Variants in IQSEC1 observed in about 807,000 individuals in gnomAD.
IQSEC1 encodes the protein IQ motif and Sec7 domain ArfGEF 1, also known as IQ motif and SEC7 domain-containing protein 1.
A neutral mutation model predicts 91.0 loss-of-function variants in IQSEC1; 31 were observed. The ratio of observed to expected loss-of-function variants is 0.34; its 90% CI spans 0.26 to 0.46. The LOEUF is 0.46. Among genes scored for constraint, IQSEC1 ranks in the 20% least tolerant of loss-of-function variants. The pLI is 1.00. For missense variants in IQSEC1, 1,388 were observed against 1,575.6 expected, an observed-to-expected ratio of 0.88 and a Z score of 2.02; for synonymous variants, 699 against 662.6, an observed-to-expected ratio of 1.05 and a Z score of -0.84.
chr3:13,110,938 A>G (rs1706235040), intron 2 of IQSEC1, among the ~76,000 whole-genome samples: 1 of 152,194 alleles, frequency 6.6e-6, no homozygotes, highest in African/African-American at 2.4e-5. Flanking sequence ...CCTGGGGGGA[A>G]TTACCGCACC....
chr3:13,137,209 A>C (rs1706725781), intron 2 of IQSEC1, among the ~76,000 whole-genome samples: 1 of 152,204 alleles, frequency 6.6e-6, no homozygotes, highest in Non-Finnish European at 1.5e-5. Flanking sequence ...GTCCACTCTT[A>C]GCCAACACAC....
At chr3:13,084,089 TG>T (rs1174267478) in intron 2 of IQSEC1, among the ~76,000 whole-genome samples, 1 of 152,188 alleles carries the variant, frequency 6.6e-6, no homozygotes, top group Non-Finnish European at 1.5e-5. Context: ...GTTCCTCTTC[TG>T]GTGGTTTCTA....
rs533298650 is a variant in IQSEC1 at position 13,272,170 on chromosome 3, C to A, written c.272+10541G>T. 1.6e-4 allele frequency among the ~76,000 whole-genome samples: 25 copies of A among 152,300 alleles called. No homozygotes were observed. In the South Asian group the frequency reaches 3.1e-3, roughly 19 times the overall value. ...TCTGATAGGGATATGCTTGGCTGAT[C>A]CTTGCTCATACCACAACCTTCCCAA... On this transcript the variant is annotated intron_variant, in intron 1 of 15. Transcript: ENST00000648114.
Position 12,994,305 on chromosome 3 carries a change from G to A in IQSEC1, c.24-52440C>T, listed in dbSNP as rs1157926063. ...TGACCTTGGCGGGTGGCCTCGCCGCGCCTGGCCTCAGTTTCCCCCCTCGGA... is the reference window on the plus strand; with the variant it reads ...TGACCTTGGCGGGTGGCCTCGCCGCACCTGGCCTCAGTTTCCCCCCTCGGA... On this transcript the variant is annotated intron_variant, in intron 1 of 13. Transcript: ENST00000613206. This position sits in a 1 kb window ranked among gnomAD's most constrained non-coding sequence, Gnocchi z 4.5. 2.0e-5 allele frequency among the ~76,000 whole-genome samples: 3 copies of A among 151,652 alleles called. No homozygotes were observed. The highest frequency in any genetic ancestry group is 4.4e-5 in the Non-Finnish European group (3 of 67,854).
intron 1 of IQSEC1, chr3:13,022,557 G>C (rs1703449400): frequency 2.7e-6 from 2 of 731,068 alleles, no homozygotes; most frequent in Non-Finnish European, 3.3e-6. Context: ...GCGTCCAGAG[G>C]CTGGCCTGGG....
At position 13,129,329 on chromosome 3, in the gene IQSEC1, T is replaced by G. The variant is rs1221145032; in HGVS notation, c.302+34775A>C. Among the ~76,000 whole-genome samples, 5 of 152,350 alleles carry G rather than the reference T, an allele frequency of 3.3e-5. No homozygotes were observed. In the East Asian group the frequency reaches 9.6e-4, roughly 29 times the overall value. On this transcript the variant is annotated intron_variant, in intron 2 of 15. Transcript: ENST00000648114. ...CCTGCAGAATCTGTAGCAGTGTCAC[T>G]GTTCTCATTCCTGGTATTGGTAATT...
chr3:12,929,429 G>C (rs1440166891), intron 3 of IQSEC1, among the ~76,000 whole-genome samples: 1 of 152,218 alleles, frequency 6.6e-6, no homozygotes, highest in Non-Finnish European at 1.5e-5. Context: ...CCTGGGCAGA[G>C]AGCCAGGAAG....
At position 13,147,637 on chromosome 3, in the gene IQSEC1, G is replaced by A. The variant is rs192028073; in HGVS notation, c.302+16467C>T. Among the ~76,000 whole-genome samples, 6 of 152,208 alleles carry A rather than the reference G, an allele frequency of 3.9e-5. No individual in the cohort carries two copies. In the East Asian group the frequency reaches 7.7e-4, roughly 20 times the overall value. ...GTGCTGCAATAAACATGTATGTGCC[G>A]GTGTCTTATTTTTGAGACAGAGTCT... On this transcript the variant is annotated intron_variant, in intron 2 of 15. Coordinates refer to the IQSEC1 transcript ENST00000648114.
chr3:12,978,918 G>A (rs1701323900), intron 1 of IQSEC1, among the ~76,000 whole-genome samples: 1 of 152,152 alleles, frequency 6.6e-6, no homozygotes, highest in Non-Finnish European at 1.5e-5. Flanking sequence ...CAGGATAAAG[G>A]CATTGCAGGT....
At chr3:12,939,075 A>AC (rs1698504856) in intron 2 of IQSEC1, among the ~76,000 whole-genome samples, 1 of 151,520 alleles carries the variant, frequency 6.6e-6, no homozygotes, top group African/African-American at 2.4e-5. Flanking sequence ...TGTGCTGGGG[A>AC]CCCCCATACC....
rs1243015470 is a variant in IQSEC1, at chr3:13,193,309, G to A, written c.273-29176C>T. 3.3e-5 allele frequency among the ~76,000 whole-genome samples: 5 copies of A among 152,170 alleles called. No individual in the cohort carries two copies. Among genetic ancestry groups the A allele is most frequent in the Non-Finnish European group, 7.4e-5 (5 of 68,024 alleles). The stretch of plus-strand genomic sequence containing the variant: ...ATGACTGCGCTTCTGAGCCATTTCC[G>A]GCCTGTGGCAATGTCTTTTACATTC... On this transcript the variant is annotated intron_variant, in intron 1 of 15. Coordinates refer to the IQSEC1 transcript ENST00000648114. The surrounding 1 kb of genome is among the most constrained non-coding windows in gnomAD (Gnocchi z 4.2).
intron 1 of IQSEC1, among the ~76,000 whole-genome samples, chr3:13,028,937 C>T (rs1410743460): frequency 6.6e-6 from 1 of 152,166 alleles, no homozygotes; most frequent in Non-Finnish European, 1.5e-5. Context: ...GCCAAGGGAT[C>T]CTCACAAGCC....
intron 1 of IQSEC1, among the ~76,000 whole-genome samples, chr3:13,276,080 C>CTTTT (rs796663192): frequency 0.032 from 2,531 of 79,448 alleles, 725 homozygotes; most frequent in East Asian, 0.053. Flanking sequence ...CAAAAGCATT[C>CTTTT]TTTTTTTTTT....
intron 2 of IQSEC1, 86 bp downstream of exon 2, chr3:12,941,485 C>G: frequency 7.5e-7 from 1 of 1,338,554 alleles, no homozygotes; most frequent in Non-Finnish European, 1.0e-6. Flanking sequence ...TGGGAGAGAT[C>G]TGCCACCATG....
intron 1 of IQSEC1, among the ~76,000 whole-genome samples, chr3:13,174,163 A>G (rs975706929): frequency 9.2e-5 from 14 of 152,168 alleles, no homozygotes; most frequent in Non-Finnish European, 2.9e-5. Flanking sequence ...TGGAATCTGA[A>G]TCTTGTGCAC....
chr3:13,112,019 C>T (rs1559257430), intron 2 of IQSEC1, among the ~76,000 whole-genome samples: 1 of 152,194 alleles, frequency 6.6e-6, no homozygotes, highest in Non-Finnish European at 1.5e-5. Flanking sequence ...GCCCCTGCAC[C>T]CTCATTGCTG....
intron 1 of IQSEC1, among the ~76,000 whole-genome samples, chr3:13,167,778 C>T (rs1367709193): frequency 1.3e-5 from 2 of 152,234 alleles, no homozygotes; most frequent in Non-Finnish European, 2.9e-5. Flanking sequence ...CAGACTGCCC[C>T]CTTCGCCATG....
chr3:13,161,066 G>A (rs116071556), intron 2 of IQSEC1, among the ~76,000 whole-genome samples: 2,908 of 152,288 alleles, frequency 0.019, 84 homozygotes, highest in African/African-American at 0.064. Context: ...AGGGATCTTC[G>A]GGGGGTGGAG....
intron 1 of IQSEC1, among the ~76,000 whole-genome samples, chr3:12,958,138 C>T (rs535344000): frequency 6.6e-6 from 1 of 152,318 alleles, no homozygotes; most frequent in East Asian, 1.9e-4. Flanking sequence ...CCATCGAGCT[C>T]CCCCTGCCCT....
Sources: allele counts gnomAD v4.1 joint callset (sites outside exome capture counted in the v4.1 genomes callset), GRCh38; gene constraint gnomAD v4.1.1; non-coding constraint Gnocchi (gnomAD v3.1); transcripts MANE v1.5; gene names NCBI Gene and HGNC (gene_info 2026-07-23, HGNC 2026-07-21).